RSF1: variants seen among roughly 807,000 people sequenced by gnomAD.
The protein encoded by RSF1 is remodeling and spacing factor 1.
Under a neutral mutation model 145.2 loss-of-function variants are expected in RSF1, and 13 were observed. The observed-to-expected ratio is 0.09, with a 90% CI of 0.06 to 0.14. RSF1 has a LOEUF of 0.14. Among genes scored for constraint, RSF1 ranks in the 10% least tolerant of loss-of-function variants. The pLI is 1.00. For missense variants in RSF1, 1,517 were observed against 1,718.2 expected (o/e 0.88, Z 2.07); for synonymous variants, 577 against 592.6 (o/e 0.97, Z 0.38).
upstream of RSF1, among the ~76,000 whole-genome samples, chr11:77,824,990 T>C (rs1271408037): frequency 1.3e-5 from 2 of 152,138 alleles, no homozygotes; most frequent in African/African-American, 4.8e-5. Context: ...TGTTGTTGTT[T>C]TTCTTTTTGA....
At chr11:77,688,462 G>C (rs1960067651) in intron 9 of RSF1, among the ~76,000 whole-genome samples, 1 of 152,120 alleles carries the variant, frequency 6.6e-6, no homozygotes, top group African/African-American at 2.4e-5. Context: ...TTTTATTCGT[G>C]ATTTAATTTA....
chr11:77,820,938 C>T (rs961020164), upstream of RSF1: 2 of 558,586 alleles, frequency 3.6e-6, no homozygotes, highest in Non-Finnish European at 6.3e-6. Flanking sequence ...GCGCCTTTCA[C>T]TTTCCGCCCT....
intron 1 of RSF1, among the ~76,000 whole-genome samples, chr11:77,796,430 T>G (rs1462994415): frequency 6.6e-6 from 1 of 152,214 alleles, no homozygotes; most frequent in Non-Finnish European, 1.5e-5. Context: ...TCTCAATAGA[T>G]GCAGAAAAGG....
chr11:77,820,044 G>A (rs1948837645), intron 1 of RSF1, among the ~76,000 whole-genome samples: 1 of 152,214 alleles, frequency 6.6e-6, no homozygotes, highest in African/African-American at 2.4e-5. Context: ...AGGGAGATAA[G>A]GAGGTGTCCG....
At chr11:77,798,108 A>C (rs1044534774) in intron 1 of RSF1, among the ~76,000 whole-genome samples, 3 of 152,214 alleles carry the variant, frequency 2.0e-5, no homozygotes, top group African/African-American at 7.2e-5. Context: ...GCGATTCCTT[A>C]AGGGTCTAGA....
At chr11:77,762,666 T>A (rs926177431) in intron 2 of RSF1, 2 of 152,194 alleles carry the variant, frequency 1.3e-5, no homozygotes, top group Admixed American at 6.5e-5. Flanking sequence ...CTGATTTGTG[T>A]AATAATGTAG....
intron 11 of RSF1, among the ~76,000 whole-genome samples, chr11:77,681,287 A>G (rs1241726858): frequency 6.6e-6 from 1 of 152,228 alleles, no homozygotes; most frequent in Non-Finnish European, 1.5e-5. Flanking sequence ...GTATTTTCAT[A>G]TAAAATGTAT....
the RSF1 span, among the ~76,000 whole-genome samples, chr11:77,857,644 T>C: frequency 6.6e-6 from 1 of 152,038 alleles, no homozygotes; most frequent in South Asian, 2.1e-4. Context: ...GTTTGTTACA[T>C]AGGTATACAT....
chr11:77,686,427 A>AAAAAAAAAAAAAC, intron 9 of RSF1, among the ~76,000 whole-genome samples: 1 of 150,186 alleles, frequency 6.7e-6, no homozygotes, highest in African/African-American at 2.4e-5. Context: ...AAAAAAAAAA[A>AAAAAAAAAAAAAC]AGCAGGTGTT....
intron 5 of RSF1, among the ~76,000 whole-genome samples, chr11:77,707,389 C>T (rs1475705975): frequency 6.6e-6 from 1 of 152,266 alleles, no homozygotes; most frequent in East Asian, 1.9e-4. Context: ...ATTTCACCAA[C>T]CTACAAAGTG....
At chr11:77,717,387 T>C (rs968079194) in intron 5 of RSF1, among the ~76,000 whole-genome samples, 3 of 152,112 alleles carry the variant, frequency 2.0e-5, no homozygotes, top group African/African-American at 7.2e-5. Context: ...TCTGCTTGTT[T>C]CTCCAGTTGT....
At chr11:77,758,063 G>C (rs763877176) in intron 2 of RSF1, among the ~76,000 whole-genome samples, 11 of 151,812 alleles carry the variant, frequency 7.2e-5, no homozygotes, top group Non-Finnish European at 1.5e-4. Flanking sequence ...CTCAGACCAG[G>C]GGACCAAGGC....
At chr11:77,790,302 C>T (rs986454519) in intron 1 of RSF1, among the ~76,000 whole-genome samples, 4 of 152,204 alleles carry the variant, frequency 2.6e-5, no homozygotes, top group African/African-American at 9.6e-5. Flanking sequence ...CTTAAAATAA[C>T]TATCAACTCT....
chr11:77,772,848 G>GAAAAAAAAAAAAAAAAAAAAAAA (rs1161762028), intron 1 of RSF1, among the ~76,000 whole-genome samples: 1 of 85,194 alleles, frequency 1.2e-5, no homozygotes, highest in Non-Finnish European at 2.2e-5. Context: ...GCCCAAGATG[G>GAAAAAAAAAAAAAAAAAAAAAAA]AAAAAAAAAA....
the RSF1 span, among the ~76,000 whole-genome samples, chr11:77,831,094 G>A: frequency 6.6e-6 from 1 of 151,802 alleles, no homozygotes; most frequent in Non-Finnish European, 1.5e-5. Flanking sequence ...TCAGTGAGCT[G>A]TAATCATGTC....
At chr11:77,737,135 A>G (rs1961373176) in intron 4 of RSF1, among the ~76,000 whole-genome samples, 1 of 152,152 alleles carries the variant, frequency 6.6e-6, no homozygotes, top group African/African-American at 2.4e-5. Context: ...TTTCTAAAGA[A>G]ATTTGTGGTT....
the RSF1 span, among the ~76,000 whole-genome samples, chr11:77,826,461 G>A: frequency 6.6e-6 from 1 of 152,098 alleles, no homozygotes; most frequent in Non-Finnish European, 1.5e-5. Context: ...TTCAGAACAG[G>A]GATAATCATC....
chr11:77,710,919 G>C (rs928188002), intron 5 of RSF1, among the ~76,000 whole-genome samples: 2 of 152,058 alleles, frequency 1.3e-5, no homozygotes, highest in Non-Finnish European at 2.9e-5. Context: ...TACCTGGAGT[G>C]ACAAGATGAT....
chr11:77,738,183 GA>G (rs1330710490), intron 4 of RSF1, among the ~76,000 whole-genome samples: 1 of 151,542 alleles, frequency 6.6e-6, no homozygotes, highest in Non-Finnish European at 1.5e-5. Context: ...AATAAAAAGA[GA>G]AAAGGTTTAT....
Sources: gnomAD v4.1 joint callset for allele counts (sites outside exome capture counted in the v4.1 genomes callset) on GRCh38, gnomAD v4.1.1 for gene constraint, MANE v1.5 for transcripts, NCBI Gene and HGNC (gene_info 2026-07-23, HGNC 2026-07-21) for gene names.